The following MFN1 variants were observed in gnomAD, a reference collection of about 807,000 sequenced individuals.
MFN1 encodes the protein mitofusin-1.
Under a neutral mutation model 92.4 loss-of-function variants are expected in MFN1, and 65 were observed. That is an observed-to-expected ratio of 0.70 (90% confidence interval 0.58 to 0.86). MFN1 has a LOEUF of 0.86. Among genes scored for constraint, MFN1 ranks in the 40% least tolerant of loss-of-function variants. MFN1 has a pLI of 0.00. For missense variants in MFN1, 781 were observed against 868.0 expected (o/e 0.90, Z 1.26); for synonymous variants, 297 against 300.9 (o/e 0.99, Z 0.13).
intron 6 of MFN1, 37 bp downstream of exon 6, chr3:179,364,442 G>A (rs1443215868): frequency 7.1e-7 from 1 of 1,404,032 alleles, no homozygotes; most frequent in Non-Finnish European, 1.0e-6. Context: ...TCGATGGTAG[G>A]AAATGAAATG....
Position 179,375,255 on chromosome 3 carries a change from C to T in MFN1, c.1011C>T (p.Phe337=), listed in dbSNP as rs543443619. 1.1e-5 allele frequency: 17 copies of T among 1,613,552 alleles called. No individual in the cohort carries two copies. The highest frequency in any genetic ancestry group is 1.7e-4 in the Middle Eastern group (1 of 6,028). The change falls in exon 10 of 18, where the codon TTC becomes TTT. Residue 337 remains phenylalanine (F), a synonymous_variant. Transcript: ENST00000471841. ...CISQSAVKTK[F]EQHTIRAKQI... is the part of the protein sequence containing the mutation. ...CGCAGTCAGCAGTGAAAACAAAGTT[C>T]GAACAGCACACTATCAGAGCTAAAC...
At chr3:179,380,227 A>G (rs756029725) in intron 14 of MFN1, among the ~76,000 whole-genome samples, 13 of 152,246 alleles carry the variant, frequency 8.5e-5, no homozygotes, top group Admixed American at 6.5e-5. Context: ...TGACTCCAGA[A>G]CAAGTCTATA....
chr3:179,385,490 T>A, intron 14 of MFN1, 79 bp from the exon 15 acceptor site: 1 of 1,337,382 alleles, frequency 7.5e-7, no homozygotes, highest in Non-Finnish European at 1.0e-6. Context: ...GATGTGCTAC[T>A]ATAATTTTAG....
At chr3:179,371,206 TA>T (rs550709246) in intron 9 of MFN1, among the ~76,000 whole-genome samples, 20 of 152,090 alleles carry the variant, frequency 1.3e-4, no homozygotes, top group African/African-American at 3.9e-4. Flanking sequence ...GTAAAAGCAA[TA>T]AAAAAAATCA....
intron 14 of MFN1, among the ~76,000 whole-genome samples, chr3:179,380,223 C>G (rs971999682): frequency 2.0e-5 from 3 of 152,116 alleles, no homozygotes; most frequent in Non-Finnish European, 2.9e-5. Flanking sequence ...AATCTGACTC[C>G]AGAACAAGTC....
chr3:179,386,641 G>A lies in MFN1; in HGVS notation c.2012+12G>A, dbSNP rs778417909. The A allele has an allele frequency of 4.4e-6, 7 of 1,587,092 alleles. No homozygotes were observed. The highest frequency in any genetic ancestry group is 6.0e-6 in the Non-Finnish European group (7 of 1,168,580). ...CACCAAGTAAAACAGTAAGTTGGAAGGTGCATCTTTCCTTTAAAAAAAAGT... is the reference window on the plus strand; with the variant it reads ...CACCAAGTAAAACAGTAAGTTGGAAAGTGCATCTTTCCTTTAAAAAAAAGT... On this transcript the variant is annotated intron_variant, in intron 16 of 17. Coordinates refer to ENST00000471841, the MANE Select transcript of MFN1 (RefSeq NM_033540.3).
intron 7 of MFN1, among the ~76,000 whole-genome samples, chr3:179,365,681 A>G (rs146497708): frequency 1.5e-4 from 23 of 152,304 alleles, no homozygotes; most frequent in African/African-American, 5.3e-4. Flanking sequence ...CTTCTGTCCT[A>G]CTTCCCAAGG....
At chr3:179,354,770 A>C (rs1269282253) in intron 3 of MFN1, among the ~76,000 whole-genome samples, 1 of 152,130 alleles carries the variant, frequency 6.6e-6, no homozygotes, top group Non-Finnish European at 1.5e-5. Context: ...CAATTCCCAG[A>C]ACTGAGGGTT....
chr3:179,376,923 A>G, intron 10 of MFN1, 119 bp from the exon 11 acceptor site: 4 of 865,346 alleles, frequency 4.6e-6, no homozygotes, highest in Non-Finnish European at 6.8e-6. Flanking sequence ...AGATGTTACA[A>G]GTTTTTTTTT....
At chr3:179,355,859 G>A (rs1712327293) in intron 3 of MFN1, among the ~76,000 whole-genome samples, 1 of 152,134 alleles carries the variant, frequency 6.6e-6, no homozygotes, top group African/African-American at 2.4e-5. Context: ...GGCCTTGGCA[G>A]GAGAATCACT....
intron 14 of MFN1, 106 bp downstream of exon 14, chr3:179,378,920 G>A: frequency 1.2e-6 from 1 of 840,700 alleles, no homozygotes; most frequent in South Asian, 1.8e-5. Context: ...TTAAAAGCTA[G>A]TATCTATCTC....
chr3:179,348,281 T>A (rs1328509622), intron 1 of MFN1, among the ~76,000 whole-genome samples: 1 of 152,242 alleles, frequency 6.6e-6, no homozygotes, highest in Admixed American at 6.5e-5. Context: ...TGATTGTTTG[T>A]CTTTGGTGTC....
intron 2 of MFN1, among the ~76,000 whole-genome samples, 200 bp downstream of exon 2, chr3:179,349,163 T>G (rs1461612067): frequency 1.3e-5 from 2 of 152,192 alleles, no homozygotes; most frequent in African/African-American, 4.8e-5. Flanking sequence ...CTTTAGTATA[T>G]TAATAGCTCA....
chr3:179,367,534 T>C lies in MFN1; in HGVS notation c.849T>C (p.Val283=). The C allele has an allele frequency of 1.9e-6, 3 of 1,613,854 alleles. No homozygotes were observed. The highest frequency in any genetic ancestry group is 2.5e-6 in the Non-Finnish European group (3 of 1,179,896). ...ALEAQNRIFF[V]SAKEVLSARK... is the part of the protein sequence containing the mutation. ...AAGCACAGAATCGTATCTTCTTTGT[T>C]TCAGCAAAGGAAGTTCTTAGTGCTA... The change falls in exon 8 of 18, where the codon GTT becomes GTC. Residue 283 remains valine (V), a synonymous_variant. Transcript: ENST00000471841.
intron 3 of MFN1, among the ~76,000 whole-genome samples, chr3:179,352,292 T>C (rs376240309): frequency 4.7e-4 from 72 of 152,342 alleles, no homozygotes; most frequent in African/African-American, 1.5e-3. Context: ...GTTTTAAGAA[T>C]GGAAATATAG....
chr3:179,388,111 ACTC>A (rs1303443115), intron 16 of MFN1, among the ~76,000 whole-genome samples: 3 of 150,416 alleles, frequency 2.0e-5, no homozygotes, highest in African/African-American at 7.3e-5. Flanking sequence ...CTGATCTTGA[ACTC>A]CTGACCTCAA....
At chr3:179,362,263 C>A in intron 4 of MFN1, 95 bp from the exon 5 acceptor site, 3 of 1,204,756 alleles carry the variant, frequency 2.5e-6, no homozygotes, top group Non-Finnish European at 3.3e-6. Context: ...CTTTTATATA[C>A]CTGTTTTGCT....
rs773756605 is a variant in MFN1, at chr3:179,365,247, T to G, written c.753+22T>G. ...AGACGTAAGTTGTTATTTTTTTTTTTGTAGGTTTTGAAATACAGTCACATA... is the reference window on the plus strand; with the variant it reads ...AGACGTAAGTTGTTATTTTTTTTTTGGTAGGTTTTGAAATACAGTCACATA... On this transcript the variant is annotated intron_variant, in intron 7 of 17. Transcript: ENST00000471841. 15 of 1,377,028 alleles carry G rather than the reference T, an allele frequency of 1.1e-5. No individual in the cohort carries two copies. The African/African-American group carries it at 2.0e-4, about 18-fold the overall frequency. 85.3% of individuals were successfully genotyped at this position (1,377,028 alleles called of 1,614,324 possible). A position where few individuals can be genotyped will look rare whatever the true frequency, so the allele number is the denominator to read the frequency against.
intron 3 of MFN1, among the ~76,000 whole-genome samples, chr3:179,354,835 C>T (rs566373767): frequency 6.6e-6 from 1 of 152,270 alleles, no homozygotes; most frequent in South Asian, 2.1e-4. Context: ...ACTCTTGTCA[C>T]CCAGGCTGGA....
Sources: allele counts gnomAD v4.1 joint callset (sites outside exome capture counted in the v4.1 genomes callset), GRCh38; gene constraint gnomAD v4.1.1; transcripts MANE v1.5; gene names NCBI Gene and HGNC (gene_info 2026-07-23, HGNC 2026-07-21).